Variants in TENM1 observed in about 807,000 individuals in gnomAD.
TENM1 encodes teneurin transmembrane protein 1.
A neutral mutation model predicts 174.8 loss-of-function variants in TENM1; 35 were observed. That is an observed-to-expected ratio of 0.20 (90% CI 0.15 to 0.27). TENM1 has a LOEUF of 0.27. Among genes scored for constraint, TENM1 ranks in the 10% least tolerant of loss-of-function variants. TENM1 has a pLI of 1.00. For synonymous variants in TENM1, 781 were observed against 798.7 expected, an observed-to-expected ratio of 0.98 and a Z score of 0.37; for missense variants, 1,633 against 2,130.1, an observed-to-expected ratio of 0.77 and a Z score of 4.59.
chrX:124,906,619 A>T (rs1185173023), intron 1 of TENM1, among the ~76,000 whole-genome samples: 2 of 112,162 alleles, frequency 1.8e-5, no homozygotes, highest in Non-Finnish European at 3.8e-5. Context: ...TTTGTACACA[A>T]ATGCTCATAG....
intron 3 of TENM1, among the ~76,000 whole-genome samples, chrX:124,788,455 C>T (rs1391949443): frequency 8.9e-6 from 1 of 112,071 alleles, no homozygotes; most frequent in Admixed American, 9.4e-5. Context: ...CAAAAGTCCA[C>T]AGTCCAAAGT....
intron 3 of TENM1, among the ~76,000 whole-genome samples, chrX:124,791,188 T>C (rs1390378673): frequency 8.9e-6 from 1 of 112,213 alleles, no homozygotes; most frequent in East Asian, 2.8e-4. Flanking sequence ...TTATGTTCTG[T>C]TTTTAGTCCT....
chrX:124,793,651 G>A (rs766198438), intron 3 of TENM1, among the ~76,000 whole-genome samples: 5 of 111,585 alleles, frequency 4.5e-5, no homozygotes, highest in Non-Finnish European at 7.5e-5. Flanking sequence ...GAACTTCTCT[G>A]TGTCTTCTTC....
chrX:124,443,682 C>T (rs1047987058), intron 23 of TENM1, among the ~76,000 whole-genome samples: 3 of 111,840 alleles, frequency 2.7e-5, no homozygotes, highest in Non-Finnish European at 5.6e-5. Context: ...TATTATGAAA[C>T]AGTTGTTTTT....
chrX:124,990,628 A>G, the TENM1 span, among the ~76,000 whole-genome samples: 163 of 112,521 alleles, frequency 1.4e-3, 1 homozygote, highest in Middle Eastern at 0.023. Context: ...CTCACCCTCA[A>G]GATTCATTCC....
intron 5 of TENM1, among the ~76,000 whole-genome samples, chrX:124,675,616 T>C (rs1278483835): frequency 9.2e-6 from 1 of 108,974 alleles, no homozygotes; most frequent in African/African-American, 3.3e-5. Flanking sequence ...TTTTTTTTTT[T>C]TTCTGAGTTT....
chrX:125,148,947 ACTG>A, the TENM1 span, among the ~76,000 whole-genome samples: 1 of 111,650 alleles, frequency 9.0e-6, no homozygotes, highest in Admixed American at 9.5e-5. Flanking sequence ...CATCCTCAAT[ACTG>A]CTAACAGAAT....
exon 1 of TENM1, chrX:124,963,754 C>G (rs2058690066): frequency 4.2e-6 from 5 of 1,204,289 alleles, no homozygotes; most frequent in Admixed American, 2.2e-5. Flanking sequence ...TTTGCTCCAT[C>G]TCTGATTAAG....
At chrX:125,124,610 T>G in the TENM1 span, among the ~76,000 whole-genome samples, 5 of 112,482 alleles carry the variant, frequency 4.4e-5, no homozygotes, top group Non-Finnish European at 7.5e-5. Context: ...GCAACTGTCA[T>G]GCCAAGTCAT....
chrX:124,563,437 T>C (rs2048868303), intron 13 of TENM1, among the ~76,000 whole-genome samples: 1 of 107,561 alleles, frequency 9.3e-6, no homozygotes, highest in Non-Finnish European at 1.9e-5. Flanking sequence ...AATAATTACC[T>C]GTGTAATACA....
At chrX:124,668,108 G>T (rs936039927) in intron 6 of TENM1, among the ~76,000 whole-genome samples, 1 of 111,110 alleles carries the variant, frequency 9.0e-6, no homozygotes, top group African/African-American at 3.3e-5. Context: ...TGATGGGGTT[G>T]TTTGTTTTTT....
the TENM1 span, among the ~76,000 whole-genome samples, chrX:125,017,675 T>C: frequency 1.8e-5 from 2 of 111,971 alleles, no homozygotes; most frequent in Admixed American, 9.5e-5. Flanking sequence ...ATCTACACCA[T>C]GGAATACTAG....
chrX:124,808,381 A>T (rs1351635505), intron 3 of TENM1, among the ~76,000 whole-genome samples: 2 of 111,977 alleles, frequency 1.8e-5, no homozygotes, highest in Admixed American at 9.5e-5. Flanking sequence ...TACAACAATA[A>T]TAGGAGACTT....
chrX:124,893,599 G>A (rs752730419), intron 3 of TENM1, among the ~76,000 whole-genome samples: 3 of 111,701 alleles, frequency 2.7e-5, no homozygotes, highest in African/African-American at 6.5e-5. Context: ...ACCCTACCAC[G>A]AGGTGTTAGA....
chrX:125,036,679 T>A, the TENM1 span, among the ~76,000 whole-genome samples: 1 of 111,971 alleles, frequency 8.9e-6, no homozygotes, highest in Admixed American at 9.5e-5. Context: ...CATAAAATAG[T>A]CTTTACTTCT....
intron 3 of TENM1, among the ~76,000 whole-genome samples, chrX:124,856,328 T>C: frequency 9.0e-6 from 1 of 111,165 alleles, no homozygotes; most frequent in Admixed American, 9.6e-5. Context: ...GAAAGGTCCA[T>C]TTAAGTTATA....
intron 11 of TENM1, among the ~76,000 whole-genome samples, chrX:124,585,293 T>A (rs1193357484): frequency 0.01 from 1,125 of 110,778 alleles, 19 homozygotes; most frequent in African/African-American, 0.035. Context: ...GAAGTAAAGC[T>A]CTCCTCAGCA....
chrX:124,748,722 G>T (rs1481088289), intron 3 of TENM1, among the ~76,000 whole-genome samples: 1 of 111,966 alleles, frequency 8.9e-6, no homozygotes, highest in Non-Finnish European at 1.9e-5. Context: ...ATGACACAAT[G>T]GTTAAGTTAC....
At chrX:124,855,563 G>A (rs745981032) in intron 3 of TENM1, among the ~76,000 whole-genome samples, 4 of 111,382 alleles carry the variant, frequency 3.6e-5, no homozygotes, top group African/African-American at 9.7e-5. Context: ...TAACAAGAAA[G>A]GTTCTACTAC....
Sources: gnomAD v4.1 joint callset for allele counts (sites outside exome capture counted in the v4.1 genomes callset) on GRCh38, gnomAD v4.1.1 for gene constraint, MANE v1.5 for transcripts, NCBI Gene and HGNC (gene_info 2026-07-23, HGNC 2026-07-21) for gene names.